OSBPL6: variants seen among roughly 807,000 people sequenced by gnomAD.
The protein encoded by OSBPL6 is oxysterol-binding protein-related protein 6.
Under a neutral mutation model 125.8 loss-of-function variants are expected in OSBPL6, and 49 were observed. The observed-to-expected ratio is 0.39, with a 90% CI of 0.31 to 0.49. The LOEUF (loss-of-function observed/expected upper bound fraction) is 0.49, where lower values mean the gene tolerates loss of function less well. Among genes scored for constraint, OSBPL6 ranks in the 20% least tolerant of loss-of-function variants. The pLI is 0.88. For missense variants in OSBPL6, 986 were observed against 1,135.4 expected (o/e 0.87, Z 1.89); for synonymous variants, 394 against 391.8 (o/e 1.01, Z -0.07).
intron 11 of OSBPL6, among the ~76,000 whole-genome samples, chr2:178,341,332 T>TC (rs1434663345): frequency 1.4e-5 from 2 of 142,036 alleles, no homozygotes; most frequent in Non-Finnish European, 3.0e-5. Context: ...CCCAAATCAT[T>TC]CTTTTTTTTT....
chr2:178,384,278 C>A, intron 18 of OSBPL6, 102 bp downstream of exon 18: 1 of 1,426,234 alleles, frequency 7.0e-7, no homozygotes, highest in Non-Finnish European at 9.6e-7. Flanking sequence ...GGTTATGATA[C>A]CAGTTGTGAA....
chr2:178,254,457 G>C (rs2091814116), intron 1 of OSBPL6, among the ~76,000 whole-genome samples: 1 of 151,828 alleles, frequency 6.6e-6, no homozygotes, highest in African/African-American at 2.4e-5. Context: ...CAGATATTCT[G>C]TTATGAGCAA....
intron 1 of OSBPL6, among the ~76,000 whole-genome samples, chr2:178,240,565 T>A (rs1429827770): frequency 6.6e-6 from 1 of 151,818 alleles, no homozygotes; most frequent in Admixed American, 6.6e-5. Context: ...ACTAACTAAC[T>A]AACTAATGAA....
intron 16 of OSBPL6, 75 bp from the exon 17 acceptor site, chr2:178,382,949 G>T: frequency 6.5e-7 from 1 of 1,549,042 alleles, no homozygotes. Context: ...AGATTTATTT[G>T]AAAGTTATTT....
intron 13 of OSBPL6, among the ~76,000 whole-genome samples, chr2:178,367,477 C>A (rs1692948263): frequency 6.6e-6 from 1 of 152,138 alleles, no homozygotes; most frequent in Non-Finnish European, 1.5e-5. Context: ...CCTTCTCCAG[C>A]CATTAGGCTT....
At chr2:178,241,933 A>C (rs185951579) in intron 1 of OSBPL6, among the ~76,000 whole-genome samples, 2 of 152,322 alleles carry the variant, frequency 1.3e-5, no homozygotes, top group East Asian at 3.9e-4. Context: ...ACACTTGCCT[A>C]CAGTATTCAG....
intron 1 of OSBPL6, among the ~76,000 whole-genome samples, chr2:178,215,809 A>G (rs1559124749): frequency 6.6e-6 from 1 of 152,166 alleles, no homozygotes; most frequent in South Asian, 2.1e-4. Context: ...GTGACCAGTA[A>G]TGGAGGTGTG....
intron 13 of OSBPL6, 29 bp downstream of exon 13, chr2:178,361,844 C>T (rs1269267654): frequency 5.6e-6 from 9 of 1,612,928 alleles, no homozygotes; most frequent in Admixed American, 1.7e-5. Context: ...TTTGCATGTA[C>T]ATGACACACT....
rs763083631 is a variant in OSBPL6, at chr2:178,336,408, G to A, written c.765G>A (p.Ser255=). 4.1e-5 allele frequency: 66 copies of A among 1,613,922 alleles called. No individual in the cohort carries two copies. The highest frequency in any genetic ancestry group is 3.5e-4 in the South Asian group (32 of 91,078). The part of the protein sequence containing the change: ...QSKVAAWLQD[S]EEMDRCAEDL... ...AAGTGGCAGCCTGGTTACAGGACTC[G>A]GAAGAGATGGACAGGTGTGCAGAAG... The change falls in exon 9 of 25, where the codon TCG becomes TCA. Residue 255 remains serine (S), a synonymous_variant. Coordinates refer to ENST00000190611, the MANE Select transcript of OSBPL6 (RefSeq NM_032523.4).
rs556891731 is a variant in OSBPL6, at chr2:178,330,601, C to T, written c.319-951C>T. 1.7e-4 allele frequency among the ~76,000 whole-genome samples: 26 copies of T among 152,278 alleles called. No individual in the cohort carries two copies. The South Asian group carries it at 5.4e-3, about 32-fold the overall frequency. ...CCTGTGCAGAACTCATAGGGGTTCTCTGTGCAGAACTCACAGAAGGCCACT... is the reference window on the plus strand; with the variant it reads ...CCTGTGCAGAACTCATAGGGGTTCTTTGTGCAGAACTCACAGAAGGCCACT... On this transcript the variant is annotated intron_variant, in intron 5 of 24. Transcript: ENST00000190611.
In OSBPL6 at chr2:178,402,614, T is replaced by C. The variant is rs1696129806; in HGVS notation, c.*7055T>C. ...CTCCACTGTGAAATTACTCTGCTTATATTAGAAGGTATGAAGACAGTAGTT... is the reference window on the plus strand; with the variant it reads ...CTCCACTGTGAAATTACTCTGCTTACATTAGAAGGTATGAAGACAGTAGTT... On this transcript the variant is annotated 3_prime_UTR_variant, in exon 25 of 25. Transcript: ENST00000190611. The C allele has an allele frequency of 6.6e-6, 1 of 152,252 alleles. No individual in the cohort carries two copies. Among genetic ancestry groups the C allele is most frequent in the African/African-American group, 2.4e-5 (1 of 41,466 alleles). 9.4% of individuals were successfully genotyped at this position (152,252 alleles called of 1,614,324 possible). A position where few individuals can be genotyped will look rare whatever the true frequency, so the allele number is the denominator to read the frequency against.
intron 12 of OSBPL6, among the ~76,000 whole-genome samples, chr2:178,360,273 A>G (rs977112691): frequency 1.1e-4 from 17 of 152,244 alleles, no homozygotes; most frequent in African/African-American, 4.1e-4. Flanking sequence ...ACAAGTAGAA[A>G]GATCTAATCT....
chr2:178,360,581 T>C (rs1156670215), intron 12 of OSBPL6, among the ~76,000 whole-genome samples: 1 of 152,240 alleles, frequency 6.6e-6, no homozygotes, highest in East Asian at 1.9e-4. Flanking sequence ...AAAAAAAATT[T>C]TTAAGCCTCC....
At chr2:178,355,160 C>A (rs1239838806) in intron 12 of OSBPL6, among the ~76,000 whole-genome samples, 1 of 152,132 alleles carries the variant, frequency 6.6e-6, no homozygotes, top group African/African-American at 2.4e-5. Flanking sequence ...AACACCCTAA[C>A]ATCACAATTA....
At chr2:178,281,937 C>T (rs1476362745) in intron 1 of OSBPL6, among the ~76,000 whole-genome samples, 1 of 152,178 alleles carries the variant, frequency 6.6e-6, no homozygotes, top group Non-Finnish European at 1.5e-5. Flanking sequence ...ACATCCTGCA[C>T]ATGTACCCCA....
At chr2:178,350,496 G>A (rs1474072292) in intron 12 of OSBPL6, among the ~76,000 whole-genome samples, 1 of 152,212 alleles carries the variant, frequency 6.6e-6, no homozygotes, top group Non-Finnish European at 1.5e-5. Context: ...CTCTGGAAAT[G>A]TTGAATCAGC....
At chr2:178,227,874 C>T (rs2090628245) in intron 1 of OSBPL6, among the ~76,000 whole-genome samples, 1 of 152,072 alleles carries the variant, frequency 6.6e-6, no homozygotes, top group Non-Finnish European at 1.5e-5. Flanking sequence ...ATGGGAGGAC[C>T]ATTTGGGTAG....
intron 2 of OSBPL6, among the ~76,000 whole-genome samples, chr2:178,300,472 G>T (rs570794190): frequency 6.6e-6 from 1 of 152,212 alleles, no homozygotes; most frequent in African/African-American, 2.4e-5. Flanking sequence ...TTACAGCGGG[G>T]GCAGCGGGGA....
intron 3 of OSBPL6, among the ~76,000 whole-genome samples, chr2:178,306,808 G>T (rs890993354): frequency 6.6e-6 from 1 of 152,172 alleles, no homozygotes; most frequent in African/African-American, 2.4e-5. Context: ...AAAGTAAATG[G>T]TTATTACTTA....
Sources: allele counts gnomAD v4.1 joint callset (sites outside exome capture counted in the v4.1 genomes callset), GRCh38; gene constraint gnomAD v4.1.1; transcripts MANE v1.5; gene names NCBI Gene and HGNC (gene_info 2026-07-23, HGNC 2026-07-21).